The following HIVEP2 variants were observed in gnomAD, a reference collection of about 807,000 sequenced individuals.
HIVEP2 encodes the protein transcription factor HIVEP2.
Under a neutral mutation model 180.7 loss-of-function variants are expected in HIVEP2, and 14 were observed. The ratio of observed to expected loss-of-function variants is 0.08; its 90% confidence interval spans 0.05 to 0.12. The LOEUF is 0.12. Ranked by LOEUF, HIVEP2 falls within the 10% of genes least tolerant of loss-of-function variation. The probability of loss-of-function intolerance (pLI) is 1.00; values close to 1 mark genes in which losing one functional copy is unlikely to be tolerated. For missense variants in HIVEP2, 2,579 were observed against 3,008.5 expected, an observed-to-expected ratio of 0.86 and a Z score of 3.34; for synonymous variants, 1,184 against 1,136.4, an observed-to-expected ratio of 1.04 and a Z score of -0.84.
intron 2 of HIVEP2, among the ~76,000 whole-genome samples, chr6:142,791,564 T>G (rs1776138962): frequency 6.6e-6 from 1 of 152,196 alleles, no homozygotes; most frequent in Non-Finnish European, 1.5e-5. Flanking sequence ...TTGGGCAAAT[T>G]CTGTCAGGCA....
chr6:142,892,062 C>G (rs1442605869), intron 1 of HIVEP2, among the ~76,000 whole-genome samples: 1 of 152,224 alleles, frequency 6.6e-6, no homozygotes, highest in Non-Finnish European at 1.5e-5. Flanking sequence ...CCTCACCTGG[C>G]CTGGCCTCAC....
At chr6:142,881,710 A>C (rs945280519) in intron 1 of HIVEP2, among the ~76,000 whole-genome samples, 9 of 152,204 alleles carry the variant, frequency 5.9e-5, no homozygotes, top group Admixed American at 6.5e-5. Context: ...GAGTAGAATA[A>C]AATATTTCCA....
At chr6:142,845,412 CTT>C (rs911844337) in intron 1 of HIVEP2, among the ~76,000 whole-genome samples, 10 of 152,234 alleles carry the variant, frequency 6.6e-5, no homozygotes, top group Non-Finnish European at 1.2e-4. Context: ...CCCTCTCTCT[CTT>C]TCTCTCTTCA....
intron 2 of HIVEP2, among the ~76,000 whole-genome samples, chr6:142,817,459 T>C (rs1776873220): frequency 6.6e-6 from 1 of 152,214 alleles, no homozygotes; most frequent in African/African-American, 2.4e-5. Flanking sequence ...CAAATAAGCA[T>C]TGGACTATTA....
At chr6:142,818,912 A>G (rs1406022542) in intron 2 of HIVEP2, among the ~76,000 whole-genome samples, 1 of 150,050 alleles carries the variant, frequency 6.7e-6, no homozygotes, top group Admixed American at 6.6e-5. Context: ...CCGAGACAGG[A>G]GGACTGCTTA....
intron 1 of HIVEP2, among the ~76,000 whole-genome samples, chr6:142,854,868 C>G (rs1459411874): frequency 6.6e-6 from 1 of 152,150 alleles, no homozygotes; most frequent in Non-Finnish European, 1.5e-5. Context: ...AGGGAAAAGT[C>G]CTACTGGGCC....
At chr6:142,820,981 A>G (rs1777018062) in intron 2 of HIVEP2, among the ~76,000 whole-genome samples, 1 of 152,128 alleles carries the variant, frequency 6.6e-6, no homozygotes, top group South Asian at 2.1e-4. Flanking sequence ...AAAACACAAG[A>G]ATTCAGATAT....
intron 1 of HIVEP2, among the ~76,000 whole-genome samples, chr6:142,939,692 T>C (rs1285540912): frequency 1.3e-5 from 2 of 152,198 alleles, no homozygotes; most frequent in Non-Finnish European, 2.9e-5. Flanking sequence ...CAATTGTAAG[T>C]TTTAATAAAG....
In HIVEP2 at chr6:142,753,162, G is replaced by A. The variant is rs778570197; in HGVS notation, c.7286C>T (p.Ser2429Phe). 1.3e-5 allele frequency: 21 copies of A among 1,613,638 alleles called. No homozygotes were observed. Among genetic ancestry groups the A allele is most frequent in the Non-Finnish European group, 1.7e-5 (20 of 1,179,614 alleles). The change falls in exon 10 of 10, where the codon TCT (serine) becomes TTT (phenylalanine). Residue 2429 changes from serine (S) to phenylalanine (F), a missense_variant. Physicochemically the swap from Ser to Phe is radical, Grantham distance 155. Transcript: ENST00000367603. ...ATCTTTGCTTTCCTCTGTGCTTGAA[G>A]ATAATTCCTTGCTGCTGTGAAAGTC... The part of the protein sequence containing the change: ...QLDFHSSKEL[S>F]SSTEESKDPS...
intron 1 of HIVEP2, among the ~76,000 whole-genome samples, chr6:142,890,633 C>T (rs756727998): frequency 1.4e-4 from 22 of 152,298 alleles, no homozygotes; most frequent in African/African-American, 4.3e-4. Flanking sequence ...GGAAAAATCA[C>T]CTGACCTCCT....
intron 2 of HIVEP2, among the ~76,000 whole-genome samples, chr6:142,808,128 T>A (rs1258028104): frequency 6.6e-6 from 1 of 152,158 alleles, no homozygotes; most frequent in Non-Finnish European, 1.5e-5. Flanking sequence ...GATGGCTTAG[T>A]CATTATTCTC....
At chr6:142,818,676 AAG>A (rs1404581402) in intron 2 of HIVEP2, among the ~76,000 whole-genome samples, 1 of 22,468 alleles carries the variant, frequency 4.5e-5, no homozygotes, top group South Asian at 6.5e-3. Flanking sequence ...CAAAAAAAAA[AAG>A]AAAGAGAGAG....
intron 2 of HIVEP2, among the ~76,000 whole-genome samples, chr6:142,783,844 A>C (rs2114696437): frequency 6.6e-6 from 1 of 152,272 alleles, no homozygotes; most frequent in South Asian, 2.1e-4. Context: ...TCCCTGTAAC[A>C]GTGAAATGCT....
In HIVEP2 at chr6:142,760,052, C is replaced by T; in HGVS notation, c.6236G>A (p.Arg2079Lys). The T allele has an allele frequency of 1.2e-6, 2 of 1,614,112 alleles. No individual in the cohort carries two copies. Among genetic ancestry groups the T allele is most frequent in the Non-Finnish European group, 1.7e-6 (2 of 1,180,016 alleles). Residue 2079 changes from arginine to lysine, a missense_variant, in exon 9 of 10, where the codon AGG (arginine) becomes AAG (lysine). By Grantham distance (26) the Arg-to-Lys change is conservative (BLOSUM62 2). Around this residue, in one of 11 missense-constraint regions of HIVEP2, gnomAD observed 660 missense variants for 731.7 expected, o/e 0.90. Transcript: ENST00000367603. ...ATGTCTCATGGGTGACAGATCTCTC[C>T]TAGGTGATAAATGTCTCCTGGGAGA... ...DLSPRRHLSP[R>K]RDLSPMRHLS...
intron 2 of HIVEP2, among the ~76,000 whole-genome samples, chr6:142,832,573 C>A (rs118657): frequency 0.36 from 54,585 of 151,974 alleles, 10,314 homozygotes; most frequent in African/African-American, 0.44. Flanking sequence ...GTAGAAAATG[C>A]GATTAAGAAA....
At chr6:142,830,872 C>G (rs1322459880) in intron 2 of HIVEP2, among the ~76,000 whole-genome samples, 2 of 152,186 alleles carry the variant, frequency 1.3e-5, no homozygotes, top group East Asian at 3.9e-4. Flanking sequence ...CACACAAGCT[C>G]ACCCTAGACC....
Position 142,760,395 on chromosome 6 carries a change from G to A in HIVEP2, c.5893C>T (p.His1965Tyr), listed in dbSNP as rs1775196786. The change falls in exon 9 of 10, where the codon CAT becomes TAT. Residue 1965 changes from histidine (H) to tyrosine (Y), a missense_variant. Around this residue, in one of 11 missense-constraint regions of HIVEP2, gnomAD observed 660 missense variants for 731.7 expected, o/e 0.90. Transcript: ENST00000367603. ...HGVPSDSSLG[H>Y]SSLISYLVTL... is the part of the protein sequence containing the mutation. ...ACCAAATAGCTGATCAACGAAGAAT[G>A]TCCCAGGGAACTATCTGAAGGAACC... 1 of 1,614,060 alleles carries A rather than the reference G, an allele frequency of 6.2e-7. No homozygotes were observed. Among genetic ancestry groups the A allele is most frequent in the Non-Finnish European group, 8.5e-7 (1 of 1,180,030 alleles).
At chr6:142,830,527 C>G (rs1041107344) in intron 2 of HIVEP2, among the ~76,000 whole-genome samples, 1 of 151,802 alleles carries the variant, frequency 6.6e-6, no homozygotes, top group Non-Finnish European at 1.5e-5. Context: ...GTTAAGAAAA[C>G]CTAAAATCAT....
At chr6:142,920,604 T>C (rs1777661906) in intron 1 of HIVEP2, among the ~76,000 whole-genome samples, 1 of 152,132 alleles carries the variant, frequency 6.6e-6, no homozygotes, top group African/African-American at 2.4e-5. Context: ...TAAACTTCTC[T>C]GAAGAAAATA....
Sources: gnomAD v4.1 joint callset for allele counts (sites outside exome capture counted in the v4.1 genomes callset) on GRCh38, gnomAD v4.1.1 for gene constraint, gnomAD v4.1.1 regional missense constraint, MANE v1.5 for transcripts, NCBI Gene and HGNC (gene_info 2026-07-23, HGNC 2026-07-21) for gene names.